CARMIL1: variants seen among roughly 807,000 people sequenced by gnomAD.
CARMIL1 encodes the protein capping protein regulator and myosin 1 linker 1.
A neutral mutation model predicts 177.1 loss-of-function variants in CARMIL1; 90 were observed. That is an observed-to-expected ratio of 0.51 (90% CI 0.43 to 0.61). The LOEUF (loss-of-function observed/expected upper bound fraction) is 0.61, where lower values mean the gene tolerates loss of function less well. CARMIL1 is among the 20% of genes least tolerant of loss of function. The pLI, the probability that CARMIL1 is intolerant of heterozygous loss-of-function variation, is 0.00. For missense variants in CARMIL1, 1,380 were observed against 1,667.0 expected (o/e 0.83, Z 3.00); for synonymous variants, 577 against 606.2 (o/e 0.95, Z 0.71).
rs532909475 is a variant in CARMIL1 at position 25,601,242 on chromosome 6, G to A, written c.3552+496G>A. ...CCTGGAGCACAGACCCTAAAGAAATGGCCATGTTCTCACTTTGGCCTGAGG... is the reference window on the plus strand; with the variant it reads ...CCTGGAGCACAGACCCTAAAGAAATAGCCATGTTCTCACTTTGGCCTGAGG... On this transcript the variant is annotated intron_variant, in intron 33 of 36. Transcript: ENST00000329474. Among the ~76,000 whole-genome samples, 3 of 152,314 alleles carry A rather than the reference G, an allele frequency of 2.0e-5. No homozygotes were observed. The South Asian group carries it at 6.2e-4, about 32-fold the overall frequency.
chr6:25,593,283 C>T (rs1814497228), intron 31 of CARMIL1, among the ~76,000 whole-genome samples: 1 of 152,190 alleles, frequency 6.6e-6, no homozygotes, highest in East Asian at 1.9e-4. Context: ...TTGATTTCAG[C>T]TCCTGAACAG....
At chr6:25,308,678 C>T (rs1363169895) in intron 2 of CARMIL1, among the ~76,000 whole-genome samples, 1 of 110,456 alleles carries the variant, frequency 9.1e-6, no homozygotes, top group African/African-American at 3.1e-5. Flanking sequence ...ACTGTTCCGG[C>T]CATTTTTTTT....
intron 11 of CARMIL1, among the ~76,000 whole-genome samples, chr6:25,481,447 T>C (rs949900954): frequency 2.6e-5 from 4 of 152,336 alleles, no homozygotes; most frequent in Admixed American, 2.6e-4. Flanking sequence ...GCCTGAAGCT[T>C]GATAATTAGT....
intron 31 of CARMIL1, among the ~76,000 whole-genome samples, chr6:25,582,590 C>T (rs1020463379): frequency 6.6e-6 from 1 of 152,126 alleles, no homozygotes. Flanking sequence ...AAGCTGAATA[C>T]GACCCTGATC....
intron 23 of CARMIL1, among the ~76,000 whole-genome samples, chr6:25,524,722 T>A (rs1806919868): frequency 6.6e-6 from 1 of 151,982 alleles, no homozygotes; most frequent in African/African-American, 2.4e-5. Context: ...AGGGCTCTAG[T>A]GGAAAAAGCA....
At chr6:25,602,580 G>T (rs1224833363) in intron 33 of CARMIL1, among the ~76,000 whole-genome samples, 1 of 152,156 alleles carries the variant, frequency 6.6e-6, no homozygotes, top group African/African-American at 2.4e-5. Context: ...GCGCCATCTA[G>T]TGTCACTTTA....
intron 8 of CARMIL1, among the ~76,000 whole-genome samples, chr6:25,459,273 T>TCTTTCTTTCTTTCTTCCTTTCTTCC (rs1390647134): frequency 3.0e-5 from 4 of 132,754 alleles, no homozygotes; most frequent in Non-Finnish European, 6.3e-5. Flanking sequence ...TTTCTTTTTT[T>TCTTTCTTTCTTTCTTCCTTTCTTCC]TTTTTTTAAG....
At chr6:25,459,230 C>CTTTCTTTCTTTCTTTCTTTCTTTCTT (rs1799816647) in intron 8 of CARMIL1, among the ~76,000 whole-genome samples, 1 of 84,970 alleles carries the variant, frequency 1.2e-5, no homozygotes, top group Non-Finnish European at 2.4e-5. Context: ...TTCTTTCTTT[C>CTTTCTTTCTTTCTTTCTTTCTTTCTT]TTTCTTTCTT....
chr6:25,319,799 C>T lies in CARMIL1; in HGVS notation c.138+34890C>T, dbSNP rs147351684. The stretch of plus-strand genomic sequence containing the variant: ...TTTTTTTTTTTTTTAAACAGAGTCT[C>T]GCTCTGTCACCCAGGCTGGAGTGCA... On this transcript the variant is annotated intron_variant, in intron 2 of 36. Coordinates refer to ENST00000329474, the MANE Select transcript of CARMIL1 (RefSeq NM_017640.6). Among the ~76,000 whole-genome samples the T allele has an allele frequency of 5.2e-3, 727 of 140,238 alleles. 10 individuals carry two copies. Among genetic ancestry groups the T allele is most frequent in the African/African-American group, 0.018 (672 of 37,522 alleles). The allele number at this position is 140,238 out of a possible 152,430, so 92.0% of individuals were successfully genotyped here.
At chr6:25,339,133 C>T (rs1278276287) in intron 2 of CARMIL1, among the ~76,000 whole-genome samples, 12 of 152,086 alleles carry the variant, frequency 7.9e-5, no homozygotes, top group Admixed American at 6.5e-4. Flanking sequence ...GAAATTGTTA[C>T]CTGTATTATG....
chr6:25,429,243 G>C (rs1276043154), intron 4 of CARMIL1, among the ~76,000 whole-genome samples: 2 of 152,156 alleles, frequency 1.3e-5, no homozygotes, highest in African/African-American at 4.8e-5. Flanking sequence ...CAATGTCCAA[G>C]GGTTCCTTTC....
chr6:25,439,246 G>A (rs1179173563), intron 5 of CARMIL1, among the ~76,000 whole-genome samples: 1 of 152,160 alleles, frequency 6.6e-6, no homozygotes, highest in African/African-American at 2.4e-5. Flanking sequence ...TATTTGTCTA[G>A]GACCTACAAG....
Position 25,600,470 on chromosome 6 carries a change from C to T in CARMIL1, c.3276C>T (p.Pro1092=), listed in dbSNP as rs1582488863. 1 of 1,613,924 alleles carries T rather than the reference C, an allele frequency of 6.2e-7. No individual in the cohort carries two copies. The highest frequency in any genetic ancestry group is 1.1e-5 in the South Asian group (1 of 91,088). ...CAACGATCTTGATGACAGAAGAACCCTCCTCACCAAAAGGGGCAGTCAGAA... is the reference window on the plus strand; with the variant it reads ...CAACGATCTTGATGACAGAAGAACCTTCCTCACCAAAAGGGGCAGTCAGAA... The part of the protein sequence containing the change: ...RPPTILMTEE[P]SSPKGAVRSP... The change falls in exon 33 of 37, where the codon CCC becomes CCT. Residue 1092 remains proline, a synonymous_variant. Coordinates refer to ENST00000329474, the MANE Select transcript of CARMIL1 (RefSeq NM_017640.6).
At chr6:25,578,313 C>A (rs550129757) in intron 29 of CARMIL1, among the ~76,000 whole-genome samples, 1 of 152,218 alleles carries the variant, frequency 6.6e-6, no homozygotes, top group African/African-American at 2.4e-5. Context: ...ATGGTAAAGT[C>A]AGATTGTTTT....
intron 2 of CARMIL1, among the ~76,000 whole-genome samples, chr6:25,295,909 G>A (rs1233118971): frequency 1.3e-5 from 2 of 152,130 alleles, no homozygotes; most frequent in Non-Finnish European, 2.9e-5. Context: ...TGCCCTTGTC[G>A]TGGGACTTTC....
At chr6:25,348,553 C>G (rs1787784159) in intron 2 of CARMIL1, among the ~76,000 whole-genome samples, 1 of 151,636 alleles carries the variant, frequency 6.6e-6, no homozygotes, top group South Asian at 2.1e-4. Flanking sequence ...GGAGGCCGAG[C>G]TGGGCGGATC....
At chr6:25,541,561 G>GAGCAATTGCTGATTTTGCCA (rs1451418157) in intron 26 of CARMIL1, among the ~76,000 whole-genome samples, 1 of 152,116 alleles carries the variant, frequency 6.6e-6, no homozygotes, top group Non-Finnish European at 1.5e-5. Context: ...TCACTAGTGC[G>GAGCAATTGCTGATTTTGCCA]AGCAATTGCT....
intron 2 of CARMIL1, among the ~76,000 whole-genome samples, chr6:25,343,895 A>G (rs556841696): frequency 2.7e-4 from 41 of 151,748 alleles, no homozygotes; most frequent in African/African-American, 9.2e-4. Context: ...CGTCTATGCT[A>G]TTTTCATAGT....
At chr6:25,525,077 G>C (rs1806955786) in intron 23 of CARMIL1, among the ~76,000 whole-genome samples, 1 of 152,122 alleles carries the variant, frequency 6.6e-6, no homozygotes, top group African/African-American at 2.4e-5. Flanking sequence ...AGTAATAATG[G>C]CTGATAATTT....
Sources: gnomAD v4.1 joint callset for allele counts (sites outside exome capture counted in the v4.1 genomes callset) on GRCh38, gnomAD v4.1.1 for gene constraint, MANE v1.5 for transcripts, NCBI Gene and HGNC (gene_info 2026-07-23, HGNC 2026-07-21) for gene names.